Variants in LRRFIP1 observed in about 807,000 individuals in gnomAD.
LRRFIP1 encodes leucine-rich repeat flightless-interacting protein 1.
In LRRFIP1, 62 loss-of-function variants were observed where a neutral mutation model predicts 104.4. That is an observed-to-expected ratio of 0.59 (90% CI 0.48 to 0.73). The LOEUF (loss-of-function observed/expected upper bound fraction) is 0.73, where lower values mean the gene tolerates loss of function less well. LRRFIP1 is among the 30% of genes least tolerant of loss of function. The pLI is 0.00. For synonymous variants in LRRFIP1, 300 were observed against 299.0 expected (o/e 1.00, Z -0.03); for missense variants, 796 against 824.5 (o/e 0.97, Z 0.42).
intron 10 of LRRFIP1, among the ~76,000 whole-genome samples, chr2:237,736,706 T>G (rs1326796033): frequency 2.0e-5 from 3 of 152,162 alleles, no homozygotes; most frequent in Non-Finnish European, 4.4e-5. Context: ...AGTGATGGCC[T>G]TAGAGAGTTA....
chr2:237,759,786 G>A (rs957814820), intron 18 of LRRFIP1, among the ~76,000 whole-genome samples: 2 of 152,190 alleles, frequency 1.3e-5, no homozygotes, highest in Non-Finnish European at 2.9e-5. Context: ...GCCACTACCT[G>A]TAGTTAAAAA....
At position 237,717,690 on chromosome 2, in the gene LRRFIP1, A is replaced by G. The variant is rs758929675; in HGVS notation, c.202-72A>G. On this transcript the variant is annotated intron_variant, in intron 3 of 23. Coordinates refer to ENST00000308482, the MANE Select transcript of LRRFIP1 (RefSeq NM_001137550.2). The surrounding 1 kb of genome is among the most constrained non-coding windows in gnomAD (Gnocchi z 4.2). ...TGGCGGTTTGGAAATGCATGTCAGA[A>G]CAGTGCCTTAGACAACTGCCTTTTT... is the stretch of plus-strand genomic sequence containing the variant. 8.7e-7 allele frequency: 1 copy of G among 1,148,424 alleles called. No homozygotes were observed. Among genetic ancestry groups the G allele is most frequent in the Non-Finnish European group, 1.3e-6 (1 of 755,068 alleles). 71.1% of individuals were successfully genotyped at this position (1,148,424 alleles called of 1,614,324 possible).
chr2:237,779,931 G>A lies in LRRFIP1; in HGVS notation c.*399G>A, dbSNP rs1175788626. The A allele has an allele frequency of 6.3e-6, 1 of 158,988 alleles. No individual in the cohort carries two copies. The highest frequency in any genetic ancestry group is 1.4e-5 in the Non-Finnish European group (1 of 72,238). 9.8% of individuals were successfully genotyped at this position (158,988 alleles called of 1,614,324 possible). ...CTGAAGATTAAGGGGAAATGTTACA[G>A]TGTTGGGACTTCCTTTCATGGCAGA... On this transcript the variant is annotated 3_prime_UTR_variant, in exon 24 of 24. Coordinates refer to ENST00000308482, the MANE Select transcript of LRRFIP1 (RefSeq NM_001137550.2).
At chr2:237,767,184 A>C (rs1453664382) in intron 19 of LRRFIP1, among the ~76,000 whole-genome samples, 1 of 152,008 alleles carries the variant, frequency 6.6e-6, no homozygotes, top group Non-Finnish European at 1.5e-5. Context: ...TCAAAAAAAA[A>C]GAAAGAAAAG....
intron 19 of LRRFIP1, chr2:237,763,410 A>G (rs1370094591): frequency 6.2e-7 from 1 of 1,613,942 alleles, no homozygotes; most frequent in Non-Finnish European, 8.5e-7. Context: ...GACTCATCGC[A>G]GAAGAAGACA....
At chr2:237,697,504 C>G (rs574817535) in intron 1 of LRRFIP1, among the ~76,000 whole-genome samples, 6 of 152,306 alleles carry the variant, frequency 3.9e-5, no homozygotes, top group African/African-American at 1.4e-4. Context: ...CCTCCCCTAC[C>G]TCATCCAAGT....
intron 11 of LRRFIP1, among the ~76,000 whole-genome samples, chr2:237,747,958 C>T (rs2058093301): frequency 6.6e-6 from 1 of 152,076 alleles, no homozygotes; most frequent in South Asian, 2.1e-4. Flanking sequence ...AGAAACCTGT[C>T]TTTTGTTGGA....
Position 237,649,583 on chromosome 2 carries a change from A to G in LRRFIP1, c.96+21843A>G, listed in dbSNP as rs2085557772. On this transcript the variant is annotated intron_variant, in intron 1 of 23. Transcript: ENST00000308482. The surrounding 1 kb of genome is among the most constrained non-coding windows in gnomAD (Gnocchi z 4.1). ...GGCAATTGTGGGTCAGCCTGAGGGC[A>G]CACCCAATATAACTTTCACAGGTGT... 6.6e-6 allele frequency among the ~76,000 whole-genome samples: 1 copy of G among 152,038 alleles called. No homozygotes were observed. The highest frequency in any genetic ancestry group is 1.5e-5 in the Non-Finnish European group (1 of 67,950).
At chr2:237,733,715 G>T in intron 8 of LRRFIP1, 59 bp from the exon 9 acceptor site, 1 of 1,538,860 alleles carries the variant, frequency 6.5e-7, no homozygotes, top group Non-Finnish European at 9.0e-7. Flanking sequence ...GCCTTTTGCT[G>T]TCATTTGTTG....
At chr2:237,646,069 C>T (rs868288449) in intron 1 of LRRFIP1, among the ~76,000 whole-genome samples, 1 of 151,992 alleles carries the variant, frequency 6.6e-6, no homozygotes, top group South Asian at 2.1e-4. Flanking sequence ...TTAATATGCA[C>T]CATGTGTCTA....
chr2:237,646,332 A>T (rs2084908706), intron 1 of LRRFIP1, among the ~76,000 whole-genome samples: 1 of 151,618 alleles, frequency 6.6e-6, no homozygotes, highest in South Asian at 2.1e-4. Flanking sequence ...TGCCAAGGGG[A>T]TTTGCTGCAC....
At chr2:237,763,667 T>A (rs762542792) in intron 19 of LRRFIP1, 1 of 1,613,908 alleles carries the variant, frequency 6.2e-7, no homozygotes, top group Non-Finnish European at 8.5e-7. Flanking sequence ...TAAAATTAAG[T>A]TGGATGGAAA....
chr2:237,702,819 G>A (rs1409409175), intron 1 of LRRFIP1, among the ~76,000 whole-genome samples: 1 of 152,090 alleles, frequency 6.6e-6, no homozygotes, highest in Non-Finnish European at 1.5e-5. Context: ...ATCTGGGATG[G>A]GACTCAGCCA....
At position 237,766,043 on chromosome 2, in the gene LRRFIP1, C is replaced by T. The variant is rs932340524; in HGVS notation, c.1460-3900C>T. On this transcript the variant is annotated intron_variant, in intron 19 of 23. Coordinates refer to ENST00000308482, the MANE Select transcript of LRRFIP1 (RefSeq NM_001137550.2). The surrounding 1 kb of genome is among the most constrained non-coding windows in gnomAD (Gnocchi z 4.8). ...TTGGGGTTCCGTGGAAGACCCACGC[C>T]TGATGCCCTCCCTCAGTAAGGAATG... 1.1e-4 allele frequency: 41 copies of T among 381,596 alleles called. No homozygotes were observed. The highest frequency in any genetic ancestry group is 1.5e-4 in the Non-Finnish European group (41 of 278,284). The allele number at this position is 381,596 out of a possible 1,614,324, so 23.6% of individuals were successfully genotyped here. A position where few individuals can be genotyped will look rare whatever the true frequency, so the allele number is the denominator to read the frequency against.
intron 18 of LRRFIP1, among the ~76,000 whole-genome samples, 186 bp from the exon 19 acceptor site, chr2:237,759,878 C>T (rs185138254): frequency 3.9e-5 from 6 of 152,140 alleles, no homozygotes; most frequent in Admixed American, 6.5e-5. Context: ...CTTTGGAGGA[C>T]GATATCCCAG....
At position 237,769,999 on chromosome 2, in the gene LRRFIP1, A is replaced by G. The variant is rs1359310922; in HGVS notation, c.1509+7A>G. On this transcript the variant is annotated splice_region_variant and intron_variant, in intron 20 of 23. Transcript: ENST00000308482. ...GGAATGCTTATTGGAACAGGTAACA[A>G]TCTTTTTATTACTTTACCGGTTCAT... The G allele has an allele frequency of 4.4e-6, 7 of 1,599,426 alleles. No individual in the cohort carries two copies. Among genetic ancestry groups the G allele is most frequent in the Non-Finnish European group, 5.1e-6 (6 of 1,171,886 alleles).
intron 17 of LRRFIP1, 65 bp downstream of exon 17, chr2:237,757,613 CAG>C (rs1295095300): frequency 5.5e-6 from 7 of 1,278,620 alleles, no homozygotes; most frequent in East Asian, 5.0e-5. Flanking sequence ...AGAGTTTTTT[CAG>C]AGTCTTTAGT....
In LRRFIP1 at chr2:237,661,802, A is replaced by G. The variant is rs944940832; in HGVS notation, c.96+34062A>G. On this transcript the variant is annotated intron_variant, in intron 1 of 23. Transcript: ENST00000308482. This position sits in a 1 kb window ranked among gnomAD's most constrained non-coding sequence, Gnocchi z 4.4. ...CCTGTTTCCTGAGTCAATCCGCTGTAGTTCTGTGGCCCAGCTGAGTGGCAT... is the reference window on the plus strand; with the variant it reads ...CCTGTTTCCTGAGTCAATCCGCTGTGGTTCTGTGGCCCAGCTGAGTGGCAT... 6.6e-6 allele frequency among the ~76,000 whole-genome samples: 1 copy of G among 152,194 alleles called. No homozygotes were observed. Among genetic ancestry groups the G allele is most frequent in the African/African-American group, 2.4e-5 (1 of 41,442 alleles).
intron 13 of LRRFIP1, 46 bp downstream of exon 13, chr2:237,749,370 A>G (rs957333781): frequency 1.2e-6 from 2 of 1,603,470 alleles, no homozygotes; most frequent in Non-Finnish European, 1.7e-6. Context: ...ACCTTTTGTA[A>G]AAATCAGTCT....
Sources: gnomAD v4.1 joint callset for allele counts (sites outside exome capture counted in the v4.1 genomes callset) on GRCh38, gnomAD v4.1.1 for gene constraint, Gnocchi (gnomAD v3.1) non-coding constraint, MANE v1.5 for transcripts, NCBI Gene and HGNC (gene_info 2026-07-23, HGNC 2026-07-21) for gene names.